Variants in INTS14 observed in about 807,000 individuals in gnomAD.
INTS14 encodes UPF0464 protein C15orf44.
INTS14 carries 27 observed loss-of-function variants against 56.9 expected under a neutral mutation model. The observed-to-expected ratio is 0.47, with a 90% CI of 0.35 to 0.65. The LOEUF is 0.65. Among genes scored for constraint, INTS14 ranks in the 30% least tolerant of loss-of-function variants. The pLI, the probability that INTS14 is intolerant of heterozygous loss-of-function variation, is 0.00. For synonymous variants in INTS14, 207 were observed against 236.2 expected (o/e 0.88, Z 1.13); for missense variants, 517 against 632.2 (o/e 0.82, Z 1.95).
At chr15:65,610,574 C>G (rs2073878729) in intron 1 of INTS14, 1 of 1,254,142 alleles carries the variant, frequency 8.0e-7, no homozygotes, top group Non-Finnish European at 1.1e-6. Context: ...TGTCCATCAG[C>G]TAGACGTTTG....
chr15:65,583,224 C>A (rs2072692979), intron 10 of INTS14, among the ~76,000 whole-genome samples: 1 of 152,042 alleles, frequency 6.6e-6, no homozygotes, highest in Non-Finnish European at 1.5e-5. Flanking sequence ...AATGTTCAGA[C>A]CAAAACTTAT....
chr15:65,606,807 T>C (rs193191943), intron 2 of INTS14, among the ~76,000 whole-genome samples: 100 of 152,324 alleles, frequency 6.6e-4, no homozygotes, highest in African/African-American at 2.3e-3. Flanking sequence ...TATTTTTTCA[T>C]TTCCTCAAGT....
chr15:65,605,348 T>C lies in INTS14; in HGVS notation c.223-112A>G. The C allele has an allele frequency of 4.0e-6, 3 of 745,580 alleles. No homozygotes were observed. In the South Asian group the frequency reaches 5.1e-5, roughly 13 times the overall value. The allele number at this position is 745,580 out of a possible 1,614,324, so 46.2% of individuals were successfully genotyped here. ...GTTACACAGGGGACACTGATGTATC[T>C]GAGAGCACCAAAGCATAGCTTCTTA... is the stretch of plus-strand genomic sequence containing the variant. On this transcript the variant is annotated intron_variant, in intron 2 of 11. Transcript: ENST00000313182.
At chr15:65,603,504 C>A (rs948787396) in intron 3 of INTS14, among the ~76,000 whole-genome samples, 5 of 152,110 alleles carry the variant, frequency 3.3e-5, no homozygotes, top group Non-Finnish European at 7.4e-5. Context: ...TAAGACAGGG[C>A]CTCACTATGT....
At chr15:65,611,075 G>A in intron 1 of INTS14, 23 bp downstream of exon 1, 13 of 1,535,648 alleles carry the variant, frequency 8.5e-6, no homozygotes, top group Non-Finnish European at 1.0e-5. Context: ...AGGCAGTCCC[G>A]GGCCCTCGGC....
intron 9 of INTS14, among the ~76,000 whole-genome samples, chr15:65,591,310 A>ACC (rs2073019442): frequency 6.6e-6 from 1 of 152,236 alleles, no homozygotes; most frequent in Non-Finnish European, 1.5e-5. Context: ...TACTTGAACT[A>ACC]TAGTACACCA....
chr15:65,596,080 G>C (rs1317606244), intron 6 of INTS14, among the ~76,000 whole-genome samples: 3 of 152,134 alleles, frequency 2.0e-5, no homozygotes, highest in Non-Finnish European at 2.9e-5. Context: ...ATAAGGTTAG[G>C]ACCCCAGCCA....
chr15:65,609,701 C>T (rs993059028), intron 1 of INTS14, among the ~76,000 whole-genome samples: 1 of 152,208 alleles, frequency 6.6e-6, no homozygotes, highest in Non-Finnish European at 1.5e-5. Flanking sequence ...GACTCCCTCA[C>T]GTCTGCCCAG....
At chr15:65,609,139 C>T (rs75470963) in intron 1 of INTS14, among the ~76,000 whole-genome samples, 8 of 152,060 alleles carry the variant, frequency 5.3e-5, no homozygotes, top group Admixed American at 3.9e-4. Flanking sequence ...AGGCTGGTCT[C>T]GAACTTCTGA....
chr15:65,610,848 G>C, intron 1 of INTS14: 4 of 1,530,430 alleles, frequency 2.6e-6, no homozygotes, highest in Admixed American at 3.9e-5. Flanking sequence ...TTGGAAAGAG[G>C]GGGCAGAGGG....
intron 3 of INTS14, among the ~76,000 whole-genome samples, chr15:65,601,847 A>C (rs1465206598): frequency 6.6e-6 from 1 of 152,180 alleles, no homozygotes; most frequent in Non-Finnish European, 1.5e-5. Context: ...ATGCTATGGG[A>C]TAATGAAATA....
chr15:65,580,355 A>C (rs1396800189), intron 11 of INTS14, among the ~76,000 whole-genome samples: 4 of 152,146 alleles, frequency 2.6e-5, no homozygotes, highest in Non-Finnish European at 5.9e-5. Context: ...AGAAAAGAGA[A>C]ATGGGCTCTC....
chr15:65,604,372 G>A (rs1279520785), intron 3 of INTS14, among the ~76,000 whole-genome samples: 3 of 152,084 alleles, frequency 2.0e-5, no homozygotes, highest in East Asian at 1.9e-4. Flanking sequence ...ATGAGCCACC[G>A]CGCCTGGCTA....
At chr15:65,601,604 G>A (rs1425344599) in intron 3 of INTS14, among the ~76,000 whole-genome samples, 1 of 152,150 alleles carries the variant, frequency 6.6e-6, no homozygotes, top group Admixed American at 6.5e-5. Context: ...GCCTCCCAAA[G>A]TGCTGGGATT....
In INTS14 at chr15:65,607,365, C is replaced by T. The variant is rs778900825; in HGVS notation, c.16G>A (p.Val6Ile). Residue 6 changes from valine (V) to isoleucine (I), a missense_variant, in exon 2 of 12, where the codon GTA becomes ATA. Transcript: ENST00000313182. ...GTCATGGAAAGGGATACATCCATTA[C>T]CACCACTGTCGGCATGATGAAAATG... is the stretch of plus-strand genomic sequence containing the variant. MPTVV[V>I]MDVSLSMTRP... The T allele has an allele frequency of 6.2e-6, 10 of 1,614,084 alleles. No individual in the cohort carries two copies. In the African/African-American group the frequency reaches 1.2e-4, roughly 19 times the overall value.
At chr15:65,605,393 ACT>A (rs773622286) in intron 2 of INTS14, among the ~76,000 whole-genome samples, 157 bp from the exon 3 acceptor site, 6 of 152,234 alleles carry the variant, frequency 3.9e-5, no homozygotes, top group Non-Finnish European at 5.9e-5. Context: ...GCTAGAACAG[ACT>A]TCTTCAACTA....
intron 11 of INTS14, among the ~76,000 whole-genome samples, chr15:65,581,018 T>A (rs955894160): frequency 6.6e-6 from 1 of 151,848 alleles, no homozygotes. Flanking sequence ...GCACTTTGGG[T>A]GGATCACCTG....
At chr15:65,591,174 C>A (rs1261643176) in intron 9 of INTS14, among the ~76,000 whole-genome samples, 1 of 151,634 alleles carries the variant, frequency 6.6e-6, no homozygotes. Flanking sequence ...AAAGACAAAA[C>A]GAAGAGAGAA....
chr15:65,600,966 C>A (rs959306794), intron 3 of INTS14, among the ~76,000 whole-genome samples: 6 of 152,234 alleles, frequency 3.9e-5, no homozygotes, highest in Non-Finnish European at 2.9e-5. Flanking sequence ...CCTAACATAA[C>A]AATGTCAAAT....
Sources: gnomAD v4.1 joint callset for allele counts (sites outside exome capture counted in the v4.1 genomes callset) on GRCh38, gnomAD v4.1.1 for gene constraint, MANE v1.5 for transcripts, NCBI Gene and HGNC (gene_info 2026-07-23, HGNC 2026-07-21) for gene names.